Variants in TCHP observed in about 807,000 individuals in gnomAD.
The protein encoded by TCHP is trichoplein keratin filament-binding protein.
In TCHP, 81 loss-of-function variants were observed where a neutral mutation model predicts 88.7. The ratio of observed to expected loss-of-function variants is 0.91; its 90% CI spans 0.76 to 1.10. The LOEUF (loss-of-function observed/expected upper bound fraction) is 1.10. TCHP is among the 50% of genes least tolerant of loss of function. The probability of loss-of-function intolerance (pLI) is 0.00; values close to 1 mark genes in which losing one functional copy is unlikely to be tolerated. For synonymous variants in TCHP, 232 were observed against 232.5 expected (o/e 1.00, Z 0.02); for missense variants, 641 against 632.1 (o/e 1.01, Z -0.15).
At chr12:109,881,376 C>G in the TCHP span, among the ~76,000 whole-genome samples, 2 of 152,314 alleles carry the variant, frequency 1.3e-5, no homozygotes, top group East Asian at 3.9e-4. Flanking sequence ...AACATCCTCT[C>G]CATTTGCACA....
rs1342359325 is a variant in TCHP, at chr12:109,904,745, A to G, written c.408A>G (p.Glu136=). ...TTGTGTTTTCTTGATAGATTGCTGA[A>G]CAACTTTTGTACGAACACTGGAAAA... The part of the protein sequence containing the change: ...AKEEQRKLIA[E]QLLYEHWKKN... Residue 136 remains glutamate (E), a synonymous_variant, in exon 4 of 13, where the codon GAA becomes GAG. Coordinates refer to ENST00000405876, the MANE Select transcript of TCHP (RefSeq NM_001143852.2). The G allele has an allele frequency of 6.2e-7, 1 of 1,612,022 alleles. No individual in the cohort carries two copies.
upstream of TCHP, among the ~76,000 whole-genome samples, chr12:109,896,366 G>A (rs1869557613): frequency 6.6e-6 from 1 of 152,156 alleles, no homozygotes; most frequent in Non-Finnish European, 1.5e-5. Context: ...TTTGCTGTGT[G>A]ACCTCAAGAG....
At position 109,905,451 on chromosome 12, in the gene TCHP, A is replaced by G. The variant is rs1206361170; in HGVS notation, c.456+658A>G. On this transcript the variant is annotated intron_variant, in intron 4 of 12. Coordinates refer to ENST00000405876, the MANE Select transcript of TCHP (RefSeq NM_001143852.2). The surrounding 1 kb of genome is among the most constrained non-coding windows in gnomAD (Gnocchi z 4.0). ...ACAGGATCCCAGCTGCATTTCAGAGAGACTCCTCTGGTAGCAATGTGCCCG... is the reference window on the plus strand; with the variant it reads ...ACAGGATCCCAGCTGCATTTCAGAGGGACTCCTCTGGTAGCAATGTGCCCG... Among the ~76,000 whole-genome samples the G allele has an allele frequency of 6.6e-6, 1 of 152,092 alleles. No homozygotes were observed. The highest frequency in any genetic ancestry group is 6.6e-5 in the Admixed American group (1 of 15,262).
At chr12:109,895,267 T>A (rs559872172), upstream of TCHP, among the ~76,000 whole-genome samples, 8 of 147,600 alleles carry the variant, frequency 5.4e-5, no homozygotes, top group Non-Finnish European at 1.2e-4. Flanking sequence ...TGCAGTGCAG[T>A]GGCTCAATGA....
In TCHP at chr12:109,917,046, A is replaced by T. The variant is rs538271601; in HGVS notation, c.*423A>T. ...TTTTCAGTTTTTAAAATTGCCATTT[A>T]AATTTAGTCTATTAAAAACAAACCT... is the stretch of plus-strand genomic sequence containing the variant. On this transcript the variant is annotated 3_prime_UTR_variant, in exon 13 of 13. Transcript: ENST00000405876. 1 of 160,282 alleles carries T rather than the reference A, an allele frequency of 6.2e-6. No homozygotes were observed. Among genetic ancestry groups the T allele is most frequent in the African/African-American group, 2.4e-5 (1 of 41,930 alleles). 9.9% of individuals were successfully genotyped at this position (160,282 alleles called of 1,614,324 possible).
intron 9 of TCHP, among the ~76,000 whole-genome samples, chr12:109,912,132 A>G (rs1870534034): frequency 6.6e-6 from 1 of 152,226 alleles, no homozygotes; most frequent in African/African-American, 2.4e-5. Context: ...TGCTGCTTAC[A>G]TCTATAAAAC....
At chr12:109,915,639 G>T in intron 12 of TCHP, 93 bp downstream of exon 12, 1 of 1,414,834 alleles carries the variant, frequency 7.1e-7, no homozygotes, top group Non-Finnish European at 9.4e-7. Flanking sequence ...CCGCGCCGGG[G>T]TCTGCTCTCC....
At chr12:109,899,860 A>C (rs902077067), upstream of TCHP, among the ~76,000 whole-genome samples, 22 of 151,872 alleles carry the variant, frequency 1.4e-4, no homozygotes, top group African/African-American at 5.1e-4. Context: ...GTGCAGTGGC[A>C]CAGTCATGGC....
chr12:109,913,118 AGGTGT>A, intron 10 of TCHP, 46 bp downstream of exon 10: 3 of 1,589,766 alleles, frequency 1.9e-6, no homozygotes, highest in Non-Finnish European at 1.7e-6. Context: ...GGTCTTGGGC[AGGTGT>A]CTGGAAGTCC....
In TCHP at chr12:109,903,111, C is replaced by G. The variant is rs778028321; in HGVS notation, c.85C>G (p.Arg29Gly). The G allele has an allele frequency of 1.2e-6, 2 of 1,613,908 alleles. No homozygotes were observed. The highest frequency in any genetic ancestry group is 2.2e-5 in the East Asian group (1 of 44,894). The stretch of plus-strand genomic sequence containing the variant: ...AGCACGACAGCGAGAGCAGGAGGCC[C>G]GGCTTCGGCAGCAGTGGGAGCAGAA... ...QLARQREQEA[R>G]LRQQWEQNSR... The change falls in exon 2 of 13, where the codon CGG becomes GGG. Residue 29 changes from arginine to glycine, a missense_variant. By Grantham distance (125) the Arg-to-Gly change is moderately radical. Transcript: ENST00000405876. The surrounding 1 kb of genome is among the most constrained non-coding windows in gnomAD (Gnocchi z 4.6).
Position 109,907,322 on chromosome 12 carries a change from G to T in TCHP, c.526-204G>T, listed in dbSNP as rs73419520. Among the ~76,000 whole-genome samples the T allele has an allele frequency of 6.8e-3, 1,042 of 152,318 alleles. 16 individuals carry two copies. The highest frequency in any genetic ancestry group is 0.024 in the African/African-American group (998 of 41,546). Reference sequence around the variant, plus strand: ...TGTGCACTGGTCGCTTTGCTGCCTGGTTCATTTTAGAAAGTGTTTTGTTGA... The same window carrying T: ...TGTGCACTGGTCGCTTTGCTGCCTGTTTCATTTTAGAAAGTGTTTTGTTGA... On this transcript the variant is annotated intron_variant, in intron 5 of 12. Transcript: ENST00000405876.
At chr12:109,913,508 T>G (rs1047590808) in intron 10 of TCHP, among the ~76,000 whole-genome samples, 2 of 152,196 alleles carry the variant, frequency 1.3e-5, no homozygotes, top group Non-Finnish European at 2.9e-5. Flanking sequence ...TTGTTCTAAT[T>G]GGAAGCCATT....
the TCHP span, among the ~76,000 whole-genome samples, chr12:109,892,168 C>A: frequency 2.0e-5 from 3 of 152,072 alleles, no homozygotes; most frequent in African/African-American, 7.2e-5. Flanking sequence ...GCCTGGACAA[C>A]AGAGCAAGAT....
chr12:109,883,874 C>CA, the TCHP span, among the ~76,000 whole-genome samples: 3 of 152,112 alleles, frequency 2.0e-5, no homozygotes, highest in South Asian at 4.1e-4. Flanking sequence ...TTCATCAATC[C>CA]AAAAAATATG....
intron 8 of TCHP, among the ~76,000 whole-genome samples, chr12:109,909,235 C>T (rs540555055): frequency 2.6e-5 from 4 of 152,238 alleles, no homozygotes; most frequent in South Asian, 2.1e-4. Flanking sequence ...TTAGCTTGAC[C>T]GTAAGGATCC....
rs1162894182 is a variant in TCHP at position 109,904,043 on chromosome 12, G to A, written c.295G>A (p.Ala99Thr). 4.4e-6 allele frequency: 7 copies of A among 1,607,396 alleles called. No homozygotes were observed. The highest frequency in any genetic ancestry group is 2.7e-5 in the African/African-American group (2 of 74,944). Residue 99 changes from alanine (A) to threonine (T), a missense_variant, in exon 3 of 13, where the codon GCC (alanine) becomes ACC (threonine). Transcript: ENST00000405876. The part of the protein sequence containing the change: ...QLMQEEQDLL[A>T]RELEELRLSM... ...CATGCAGGAGGAGCAGGACCTGCTG[G>A]CCAGAGAACTGGAGGAGCTGAGGCT...
At position 109,914,551 on chromosome 12, in the gene TCHP, TGA is replaced by T. The variant is rs1398841661; in HGVS notation, c.1250_1251del (p.Glu417ValfsTer10). The T allele has an allele frequency of 1.2e-6, 2 of 1,613,650 alleles. No individual in the cohort carries two copies. Among genetic ancestry groups the T allele is most frequent in the African/African-American group, 2.7e-5 (2 of 74,806 alleles). On this transcript the variant is annotated frameshift_variant, in exon 11 of 13. Transcript: ENST00000405876. LOFTEE classifies it high-confidence loss of function. ...CAACTTATTCGAAATCTTGAGGAGG[TGA>T]GAGAGTTGGCTCGTCGCGAGAAAGA...
chr12:109,898,399 G>A (rs777620065), upstream of TCHP, among the ~76,000 whole-genome samples: 7 of 152,088 alleles, frequency 4.6e-5, no homozygotes, highest in South Asian at 2.1e-4. Context: ...TAGTAGAGAC[G>A]GGGGTTTCAC....
chr12:109,889,038 A>G, the TCHP span, among the ~76,000 whole-genome samples: 3 of 151,692 alleles, frequency 2.0e-5, no homozygotes, highest in Admixed American at 6.6e-5. Flanking sequence ...ACCAAAAAAA[A>G]AAAAAAAAGA....
Sources: gnomAD v4.1 joint callset for allele counts (sites outside exome capture counted in the v4.1 genomes callset) on GRCh38, gnomAD v4.1.1 for gene constraint, Gnocchi (gnomAD v3.1) non-coding constraint, MANE v1.5 for transcripts, NCBI Gene and HGNC (gene_info 2026-07-23, HGNC 2026-07-21) for gene names.